Variants in MROH1 observed in about 807,000 individuals in gnomAD.
The protein encoded by MROH1 is maestro heat like repeat family member 1, also known as maestro heat-like repeat-containing protein family member 1.
MROH1 carries 117 observed loss-of-function variants against 116.5 expected under a neutral mutation model. The ratio of observed to expected loss-of-function variants is 1.00; its 90% CI spans 0.86 to 1.17. The LOEUF (loss-of-function observed/expected upper bound fraction) is 1.17, where lower values mean the gene tolerates loss of function less well. MROH1 is among the 50% of genes most tolerant of loss of function. The pLI is 0.00. For synonymous variants in MROH1, 921 were observed against 583.9 expected (o/e 1.58, Z -8.32); for missense variants, 1,873 against 1,338.5 (o/e 1.40, Z -6.23).
intron 8 of MROH1, among the ~76,000 whole-genome samples, 169 bp downstream of exon 8, chr8:144,191,104 C>T (rs1388375585): frequency 6.6e-6 from 1 of 152,132 alleles, no homozygotes; most frequent in African/African-American, 2.4e-5. Flanking sequence ...GAGTCTCACT[C>T]TGTCACCCAG....
intron 2 of MROH1, among the ~76,000 whole-genome samples, chr8:144,161,418 G>A (rs923643021): frequency 1.3e-5 from 2 of 152,072 alleles, no homozygotes; most frequent in African/African-American, 4.8e-5. Flanking sequence ...GCTTTCTCTG[G>A]TATGAGAGAC....
intron 14 of MROH1, among the ~76,000 whole-genome samples, chr8:144,229,031 A>G (rs1184280073): frequency 2.6e-5 from 4 of 152,218 alleles, no homozygotes; most frequent in Non-Finnish European, 4.4e-5. Flanking sequence ...TTCTTTGCCC[A>G]TCCAAAAGAA....
At position 144,173,098 on chromosome 8, in the gene MROH1, CTT is replaced by C. The variant is rs57999074; in HGVS notation, c.168+4677_168+4678del. Among the ~76,000 whole-genome samples the C allele has an allele frequency of 7.1e-4, 92 of 130,330 alleles. 1 individual carries two copies. The highest frequency in any genetic ancestry group is 3.4e-3 in the East Asian group (16 of 4,682). The allele number at this position is 130,330 out of a possible 152,430, so 85.5% of individuals were successfully genotyped here. ...AGGCAGGGCTGTGAAAGTTATGGTA[CTT>C]TTTTTTTTTTTTTTTTTTCCTGAGG... On this transcript the variant is annotated intron_variant, in intron 4 of 43. Transcript: ENST00000326134.
intron 7 of MROH1, among the ~76,000 whole-genome samples, chr8:144,189,194 G>C (rs915647302): frequency 6.6e-6 from 1 of 152,212 alleles, no homozygotes; most frequent in Non-Finnish European, 1.5e-5. Context: ...GATTGGGGCA[G>C]CTGAGGTGGT....
chr8:144,162,518 C>T (rs1011134965), intron 2 of MROH1, among the ~76,000 whole-genome samples: 2 of 152,002 alleles, frequency 1.3e-5, no homozygotes, highest in African/African-American at 4.8e-5. Context: ...ACCTCAGCCT[C>T]CTGAGTAGCT....
chr8:144,166,185 A>G (rs1227605118), intron 3 of MROH1, among the ~76,000 whole-genome samples: 1 of 152,192 alleles, frequency 6.6e-6, no homozygotes, highest in Admixed American at 6.5e-5. Flanking sequence ...GACCCCATCA[A>G]GCATTTTTAT....
Position 144,178,663 on chromosome 8 carries a change from GCAGGCTGCTCT to G in MROH1, c.169-787_169-777del, listed in dbSNP as rs1165750997. 2.6e-4 allele frequency among the ~76,000 whole-genome samples: 39 copies of G among 152,372 alleles called. No homozygotes were observed. In the South Asian group the frequency reaches 8.1e-3, roughly 32 times the overall value. ...CCCTGTGCCGGCCATGTTGCCTGGT[GCAGGCTGCTCT>G]CAGGGTGGTGGAGGGAGGGGCCATG... On this transcript the variant is annotated intron_variant, in intron 4 of 43. Transcript: ENST00000326134.
rs769562469 is a variant in MROH1, at chr8:144,180,183, G to T, written c.306G>T (p.Leu102=). The T allele has an allele frequency of 1.9e-6, 3 of 1,613,908 alleles. No individual in the cohort carries two copies. The Admixed American group carries it at 5.0e-5, about 27-fold the overall frequency. ...TGCCGGTGTTTTGGGTTCAGGACCT[G>T]GTCTGGGACTGGCAGCAGGCGGCGA... is the stretch of plus-strand genomic sequence containing the variant. The part of the protein sequence containing the change: ...ASSEMTKTKD[L]VWDWQQAASG... Residue 102 remains leucine, a synonymous_variant, in exon 6 of 44, where the codon CTG becomes CTT. Transcript: ENST00000326134. This position sits in a 1 kb window ranked among gnomAD's most constrained non-coding sequence, Gnocchi z 7.4.
rs1837106702 is a variant in MROH1 at position 144,222,990 on chromosome 8, A to C, written c.1216-118A>C. ...CAGGTACAGGTGTCAGTGTAACTGC[A>C]GTTGTGGGCACATGTGTGGATGTGG... On this transcript the variant is annotated intron_variant, in intron 13 of 43. Transcript: ENST00000326134. The C allele has an allele frequency of 6.3e-6, 9 of 1,426,936 alleles. No individual in the cohort carries two copies. The South Asian group carries it at 8.0e-5, about 13-fold the overall frequency. The allele number at this position is 1,426,936 out of a possible 1,614,324, so 88.4% of individuals were successfully genotyped here.
At position 144,248,226 on chromosome 8, in the gene MROH1, G is replaced by A. The variant is rs941775797; in HGVS notation, c.3120+547G>A. On this transcript the variant is annotated intron_variant, in intron 31 of 43. Transcript: ENST00000326134. ...ACCCTGGGCACCGCGTCCCCTCCCC[G>A]ACCCATGCCTGCCTGGTCTACTCTG... Among the ~76,000 whole-genome samples, 8 of 152,090 alleles carry A rather than the reference G, an allele frequency of 5.3e-5. 1 individual carries two copies. Among genetic ancestry groups the A allele is most frequent in the African/African-American group, 7.2e-5 (3 of 41,394 alleles).
At chr8:144,227,429 G>A (rs1446764033) in intron 14 of MROH1, among the ~76,000 whole-genome samples, 1 of 151,334 alleles carries the variant, frequency 6.6e-6, no homozygotes, top group African/African-American at 2.4e-5. Flanking sequence ...CAATCTCCTT[G>A]AGTTCAGGAG....
At chr8:144,173,092 A>G (rs1822900288) in intron 4 of MROH1, among the ~76,000 whole-genome samples, 1 of 145,840 alleles carries the variant, frequency 6.9e-6, no homozygotes, top group African/African-American at 2.5e-5. Context: ...TGTGAAAGTT[A>G]TGGTACTTTT....
intron 5 of MROH1, among the ~76,000 whole-genome samples, chr8:144,179,850 A>C (rs2131318960): frequency 6.6e-6 from 1 of 152,290 alleles, no homozygotes; most frequent in South Asian, 2.1e-4. Context: ...CTGGGGCCAA[A>C]GGCTGTGCCC....
At chr8:144,164,233 C>T (rs1375632729) in intron 3 of MROH1, among the ~76,000 whole-genome samples, 8 of 151,454 alleles carry the variant, frequency 5.3e-5, no homozygotes, top group African/African-American at 1.7e-4. Context: ...GGTGAAACCC[C>T]GTCTCTCCTA....
At chr8:144,192,171 T>C in intron 9 of MROH1, 138 bp from the exon 10 acceptor site, 1 of 745,728 alleles carries the variant, frequency 1.3e-6, no homozygotes, top group South Asian at 1.8e-5. Flanking sequence ...AAAGGCCTCC[T>C]CATTTGAGCC....
In MROH1 at chr8:144,238,774, G is replaced by A. The variant is rs941999189; in HGVS notation, c.1357G>A (p.Gly453Ser). 74 of 773,392 alleles carry A rather than the reference G, an allele frequency of 9.6e-5. No homozygotes were observed. Among genetic ancestry groups the A allele is most frequent in the South Asian group, 4.6e-4 (34 of 74,536 alleles). 47.9% of individuals were successfully genotyped at this position (773,392 alleles called of 1,614,324 possible). A position where few individuals can be genotyped will look rare whatever the true frequency, so the allele number is the denominator to read the frequency against. ...CCTCCAGCCTGAGAAGCCAGGCCCC[G>A]GCAGCAAGGACCCCAAGGCCGACAG... is the stretch of plus-strand genomic sequence containing the variant. Reference protein sequence around the residue: ...PEQEPEKPGPGSKDPKADSVR... With the variant: ...PEQEPEKPGPSSKDPKADSVR... Residue 453 changes from glycine to serine, a missense_variant, in exon 15 of 44, where the codon GGC (glycine) becomes AGC (serine). Coordinates refer to ENST00000326134, the MANE Select transcript of MROH1 (RefSeq NM_032450.3).
chr8:144,212,664 A>T (rs1010611201), intron 12 of MROH1, among the ~76,000 whole-genome samples: 18 of 124,066 alleles, frequency 1.5e-4, no homozygotes, highest in African/African-American at 5.6e-4. Context: ...ATCATGGCTT[A>T]CTGTAACCTC....
chr8:144,216,349 C>A (rs1156864289), intron 12 of MROH1, among the ~76,000 whole-genome samples: 5 of 151,404 alleles, frequency 3.3e-5, no homozygotes. Context: ...TGGCGGGCAC[C>A]TGTAATTCCA....
chr8:144,247,246 A>G, intron 29 of MROH1, 55 bp from the exon 30 acceptor site: 1 of 748,238 alleles, frequency 1.3e-6, no homozygotes, highest in Admixed American at 1.8e-5. Context: ...CAGGTGGCAT[A>G]GGTGGCATCC....
Sources: gnomAD v4.1 joint callset for allele counts (sites outside exome capture counted in the v4.1 genomes callset) on GRCh38, gnomAD v4.1.1 for gene constraint, Gnocchi (gnomAD v3.1) non-coding constraint, MANE v1.5 for transcripts, NCBI Gene and HGNC (gene_info 2026-07-23, HGNC 2026-07-21) for gene names.